PPIL1: variants seen among roughly 807,000 people sequenced by gnomAD.
The protein encoded by PPIL1 is peptidyl-prolyl cis-trans isomerase-like 1.
In PPIL1, 14 loss-of-function variants were observed where a neutral mutation model predicts 19.4. The observed-to-expected ratio is 0.72, with a 90% CI of 0.48 to 1.13. PPIL1 has a LOEUF of 1.13. Among genes scored for constraint, PPIL1 ranks in the 50% most tolerant of loss-of-function variants. PPIL1 has a pLI of 0.00. For synonymous variants in PPIL1, 72 were observed against 73.6 expected, an observed-to-expected ratio of 0.98 and a Z score of 0.11; for missense variants, 192 against 218.0, an observed-to-expected ratio of 0.88 and a Z score of 0.75.
At chr6:36,862,945 C>T (rs1338252225) in intron 2 of PPIL1, among the ~76,000 whole-genome samples, 1 of 152,214 alleles carries the variant, frequency 6.6e-6, no homozygotes, top group Non-Finnish European at 1.5e-5. Context: ...GATTCCAGTT[C>T]TGACCCCACC....
intron 2 of PPIL1, among the ~76,000 whole-genome samples, chr6:36,865,488 T>C (rs1774375440): frequency 6.6e-6 from 1 of 152,198 alleles, no homozygotes. Context: ...AGAGCCAGTC[T>C]AGAGTGGAAG....
chr6:36,858,231 CAAAAAAAAAAAAAA>C (rs55719434), intron 2 of PPIL1, among the ~76,000 whole-genome samples: 3 of 68,188 alleles, frequency 4.4e-5, no homozygotes, highest in South Asian at 7.3e-4. Context: ...AAGACTGTCT[CAAAAAAAAAAAAAA>C]AAAAAAAAAA....
In PPIL1 at chr6:36,854,938, A is replaced by G. The variant is rs999968297; in HGVS notation, c.*875T>C. The G allele has an allele frequency of 3.3e-5, 5 of 152,670 alleles. No individual in the cohort carries two copies. Among genetic ancestry groups the G allele is most frequent in the Non-Finnish European group, 7.3e-5 (5 of 68,048 alleles). The allele number at this position is 152,670 out of a possible 1,614,324, so 9.5% of individuals were successfully genotyped here. ...AAAATCCAGAAAGTTATTTTTATAC[A>G]TAAACAACTGAACATATAAAAATCT... On this transcript the variant is annotated 3_prime_UTR_variant, in exon 4 of 4. Transcript: ENST00000373699.
intron 1 of PPIL1, among the ~76,000 whole-genome samples, chr6:36,873,914 G>C (rs954304974): frequency 1.3e-5 from 2 of 152,198 alleles, no homozygotes; most frequent in African/African-American, 2.4e-5. Context: ...ATAGCAGCAA[G>C]ACGTTATTAA....
At chr6:36,873,346 C>G (rs1316152769) in intron 1 of PPIL1, among the ~76,000 whole-genome samples, 1 of 152,106 alleles carries the variant, frequency 6.6e-6, no homozygotes, top group Non-Finnish European at 1.5e-5. Flanking sequence ...ATAGGAAATG[C>G]CTAAAATATC....
At chr6:36,857,547 G>A (rs917847409) in intron 2 of PPIL1, among the ~76,000 whole-genome samples, 5 of 152,020 alleles carry the variant, frequency 3.3e-5, no homozygotes, top group South Asian at 4.2e-4. Context: ...AACTCCTGGC[G>A]TCAAGCAATC....
intron 2 of PPIL1, among the ~76,000 whole-genome samples, chr6:36,859,424 C>CAAA (rs36097489): frequency 1.8e-3 from 133 of 72,906 alleles, no homozygotes; most frequent in East Asian, 4.0e-3. Context: ...GACCCTGTCT[C>CAAA]AAAAAAAAAA....
intron 2 of PPIL1, among the ~76,000 whole-genome samples, chr6:36,861,559 T>C (rs1583109890): frequency 2.0e-5 from 3 of 152,224 alleles, no homozygotes; most frequent in African/African-American, 7.2e-5. Flanking sequence ...ACTAATCCTC[T>C]GTCAGTGAAT....
intron 1 of PPIL1, 58 bp from the exon 2 acceptor site, chr6:36,871,930 A>G: frequency 2.8e-6 from 4 of 1,430,364 alleles, no homozygotes; most frequent in East Asian, 2.6e-5. Flanking sequence ...AGACAGGAGT[A>G]TTATGGAACT....
rs951671647 is a variant in PPIL1 at position 36,871,899 on chromosome 6, A to C, written c.57-27T>G. ...TGCAGAGGGAGAGGACAACAGCTCC[A>C]GTAAACAAAAAGGTCAGGGCAGACA... On this transcript the variant is annotated intron_variant, in intron 1 of 3. Coordinates refer to ENST00000373699, the MANE Select transcript of PPIL1 (RefSeq NM_016059.5). The C allele has an allele frequency of 2.6e-6, 4 of 1,547,252 alleles. No homozygotes were observed. The African/African-American group carries it at 5.7e-5, about 22-fold the overall frequency.
intron 2 of PPIL1, among the ~76,000 whole-genome samples, chr6:36,870,906 G>C (rs1774496261): frequency 6.6e-6 from 1 of 152,138 alleles, no homozygotes; most frequent in African/African-American, 2.4e-5. Context: ...TTACAGGCGT[G>C]AGCCACCGTG....
chr6:36,866,497 T>G (rs1035175515), intron 2 of PPIL1, among the ~76,000 whole-genome samples: 1 of 152,212 alleles, frequency 6.6e-6, no homozygotes, highest in South Asian at 2.1e-4. Context: ...GACCTGCCAG[T>G]GGGCTGCTCA....
rs1345419942 is a variant in PPIL1, at chr6:36,855,000, C to G, written c.*813G>C. On this transcript the variant is annotated 3_prime_UTR_variant, in exon 4 of 4. Coordinates refer to ENST00000373699, the MANE Select transcript of PPIL1 (RefSeq NM_016059.5). The stretch of plus-strand genomic sequence containing the variant: ...TCTCTAAAGTCTTGGGTTAAAAGAA[C>G]TTGAGTGGCGCTTCTCCTTTCTGAG... 6.6e-6 allele frequency: 1 copy of G among 152,642 alleles called. No individual in the cohort carries two copies. The highest frequency in any genetic ancestry group is 1.5e-5 in the Non-Finnish European group (1 of 68,036). The allele number at this position is 152,642 out of a possible 1,614,324, so 9.5% of individuals were successfully genotyped here.
intron 1 of PPIL1, 60 bp downstream of exon 1, chr6:36,874,657 C>G: frequency 1.3e-6 from 2 of 1,591,202 alleles, no homozygotes; most frequent in Non-Finnish European, 1.7e-6. Context: ...AACGCAGACC[C>G]GTGGTGAGGC....
chr6:36,872,323 A>G (rs993008672), intron 1 of PPIL1, among the ~76,000 whole-genome samples: 2 of 152,168 alleles, frequency 1.3e-5, no homozygotes, highest in Non-Finnish European at 2.9e-5. Flanking sequence ...GGGTAGATGG[A>G]AAATAGGAAG....
chr6:36,859,189 G>A (rs149876352), intron 2 of PPIL1, among the ~76,000 whole-genome samples: 1,891 of 152,244 alleles, frequency 0.012, 10 homozygotes, highest in Middle Eastern at 0.034. Flanking sequence ...CACTTTGGGA[G>A]GCCGAGGCAG....
chr6:36,871,461 C>T (rs1774508619), intron 2 of PPIL1, among the ~76,000 whole-genome samples: 1 of 152,164 alleles, frequency 6.6e-6, no homozygotes, highest in Non-Finnish European at 1.5e-5. Flanking sequence ...GTGAGCAGTA[C>T]ATGTAAGTTA....
chr6:36,866,872 C>T (rs545662660), intron 2 of PPIL1, among the ~76,000 whole-genome samples: 2 of 152,270 alleles, frequency 1.3e-5, no homozygotes, highest in South Asian at 2.1e-4. Context: ...CTATTGACTC[C>T]AATGGGGATG....
intron 2 of PPIL1, among the ~76,000 whole-genome samples, chr6:36,857,824 G>A (rs1243117315): frequency 6.6e-6 from 1 of 152,048 alleles, no homozygotes; most frequent in African/African-American, 2.4e-5. Context: ...CATGGGATTG[G>A]GAATTATTTG....
Sources: gnomAD v4.1 joint callset for allele counts (sites outside exome capture counted in the v4.1 genomes callset) on GRCh38, gnomAD v4.1.1 for gene constraint, MANE v1.5 for transcripts, NCBI Gene and HGNC (gene_info 2026-07-23, HGNC 2026-07-21) for gene names.